EIF2S2: variants seen among roughly 807,000 people sequenced by gnomAD.
EIF2S2 encodes eukaryotic translation initiation factor 2 subunit beta.
In EIF2S2, 4 loss-of-function variants were observed where a neutral mutation model predicts 44.0. The ratio of observed to expected loss-of-function variants is 0.09; its 90% CI spans 0.04 to 0.21. The LOEUF is 0.21. EIF2S2 is among the 10% of genes least tolerant of loss of function. The pLI is 1.00. For missense variants in EIF2S2, 154 were observed against 392.0 expected (o/e 0.39, Z 5.13); for synonymous variants, 108 against 128.3 (o/e 0.84, Z 1.07).
At chr20:34,090,976 A>G in intron 7 of EIF2S2, among the ~76,000 whole-genome samples, 1 of 151,724 alleles carries the variant, frequency 6.6e-6, no homozygotes. Flanking sequence ...GTCTCAAACT[A>G]CTGGACTCAA....
intron 1 of EIF2S2, among the ~76,000 whole-genome samples, chr20:34,109,789 T>A (rs2034390729): frequency 6.7e-6 from 1 of 150,300 alleles, no homozygotes; most frequent in African/African-American, 2.4e-5. Flanking sequence ...TTATTTCAAT[T>A]ATACATCAAG....
chr20:34,105,384 C>G lies in EIF2S2; in HGVS notation c.177G>C (p.Glu59Asp). The change falls in exon 2 of 9, where the codon GAG becomes GAC. Residue 59 changes from glutamate (E) to aspartate (D), a missense_variant. Around this residue, in one of 2 missense-constraint regions of EIF2S2, gnomAD observed 134 missense variants for 225.0 expected, o/e 0.60. Coordinates refer to ENST00000374980, the MANE Select transcript of EIF2S2 (RefSeq NM_003908.5). ...ACCACGCACCTTTTTTCCTAGTGTCCTCTTCATCAGCTTCCAAATCCTTGT... is the reference window on the plus strand; with the variant it reads ...ACCACGCACCTTTTTTCCTAGTGTCGTCTTCATCAGCTTCCAAATCCTTGT... ...TEDKDLEADE[E>D]DTRKKDASDD... is the part of the protein sequence containing the mutation. The G allele has an allele frequency of 6.2e-7, 1 of 1,612,394 alleles. No homozygotes were observed. The highest frequency in any genetic ancestry group is 8.5e-7 in the Non-Finnish European group (1 of 1,179,424).
intron 7 of EIF2S2, among the ~76,000 whole-genome samples, chr20:34,091,698 G>A (rs974315117): frequency 1.6e-5 from 2 of 128,352 alleles, no homozygotes; most frequent in Admixed American, 8.8e-5. Flanking sequence ...CAGCCTGGGC[G>A]ACAGAGCACA....
In EIF2S2 at chr20:34,088,822, T is replaced by C. The variant is rs1255351753; in HGVS notation, c.*908A>G. 6.6e-6 allele frequency: 1 copy of C among 152,136 alleles called. No individual in the cohort carries two copies. Among genetic ancestry groups the C allele is most frequent in the Non-Finnish European group, 1.5e-5 (1 of 68,020 alleles). The allele number at this position is 152,136 out of a possible 1,614,324, so 9.4% of individuals were successfully genotyped here. On this transcript the variant is annotated 3_prime_UTR_variant, in exon 9 of 9. Coordinates refer to ENST00000374980, the MANE Select transcript of EIF2S2 (RefSeq NM_003908.5). ...GTCATATTCAAAAGCGACTTTTAAATCAGAAAATAGAAAAAGCATTTGTGG... is the reference window on the plus strand; with the variant it reads ...GTCATATTCAAAAGCGACTTTTAAACCAGAAAATAGAAAAAGCATTTGTGG...
chr20:34,110,064 C>T (rs1278532448), intron 1 of EIF2S2, among the ~76,000 whole-genome samples: 1 of 140,734 alleles, frequency 7.1e-6, no homozygotes, highest in Admixed American at 7.4e-5. Context: ...CGCCACTGCA[C>T]TCCAGTCCAG....
At chr20:34,100,394 G>A (rs569246306) in intron 3 of EIF2S2, among the ~76,000 whole-genome samples, 1 of 152,304 alleles carries the variant, frequency 6.6e-6, no homozygotes, top group South Asian at 2.1e-4. Flanking sequence ...GGGGACCACT[G>A]AAAGTTCCAA....
At chr20:34,109,911 T>A (rs1000394839) in intron 1 of EIF2S2, among the ~76,000 whole-genome samples, 5 of 150,516 alleles carry the variant, frequency 3.3e-5, no homozygotes, top group African/African-American at 1.2e-4. Context: ...AAGACCAACA[T>A]AGTGAGACCC....
At chr20:34,096,582 A>G (rs2034231495) in intron 6 of EIF2S2, 75 bp downstream of exon 6, 19 of 1,419,954 alleles carry the variant, frequency 1.3e-5, no homozygotes, top group Non-Finnish European at 1.8e-5. Flanking sequence ...AGTCGACAAT[A>G]AGGACATTTA....
intron 7 of EIF2S2, among the ~76,000 whole-genome samples, chr20:34,091,867 C>G (rs1460205570): frequency 2.0e-5 from 3 of 149,012 alleles, no homozygotes; most frequent in South Asian, 2.1e-4. Flanking sequence ...GAGTGGGACT[C>G]TCCTGGATTA....
In EIF2S2 at chr20:34,095,701, T is replaced by G. The variant is rs145752826; in HGVS notation, c.683+956A>C. 5.9e-5 allele frequency among the ~76,000 whole-genome samples: 9 copies of G among 152,344 alleles called. No individual in the cohort carries two copies. In the East Asian group the frequency reaches 1.7e-3, roughly 29 times the overall value. On this transcript the variant is annotated intron_variant, in intron 6 of 8. Transcript: ENST00000374980. ...TTCTAATTTTTCTACAATGAGTATA[T>G]ACTACTATTGTCATTAGCCAAAAAA...
At chr20:34,108,326 CT>C (rs2034371639) in intron 1 of EIF2S2, 1 of 152,114 alleles carries the variant, frequency 6.6e-6, no homozygotes, top group South Asian at 2.1e-4. Context: ...ATTAACATCT[CT>C]CTCAATTACT....
At position 34,112,219 on chromosome 20, in the gene EIF2S2, T is replaced by G. The variant is rs2034424105; in HGVS notation, c.-109A>C. ...TACCTCTCCCACCACCGCACTAGGC[T>G]CTTGCATCAGCGAAAGGAAACGACA... On this transcript the variant is annotated 5_prime_UTR_variant, in exon 1 of 9. Transcript: ENST00000374980. 2 of 1,227,738 alleles carry G rather than the reference T, an allele frequency of 1.6e-6. No individual in the cohort carries two copies. Among genetic ancestry groups the G allele is most frequent in the Non-Finnish European group, 2.2e-6 (2 of 922,638 alleles). The allele number at this position is 1,227,738 out of a possible 1,614,324, so 76.1% of individuals were successfully genotyped here. A position where few individuals can be genotyped will look rare whatever the true frequency, so the allele number is the denominator to read the frequency against.
In EIF2S2 at chr20:34,091,784, G is replaced by A. The variant is rs947375696; in HGVS notation, c.741-1182C>T. 5.9e-4 allele frequency among the ~76,000 whole-genome samples: 84 copies of A among 143,102 alleles called. 1 individual carries two copies. The highest frequency in any genetic ancestry group is 1.1e-3 in the Non-Finnish European group (70 of 64,916). The allele number at this position is 143,102 out of a possible 152,430, so 93.9% of individuals were successfully genotyped here. On this transcript the variant is annotated intron_variant, in intron 7 of 8. Coordinates refer to ENST00000374980, the MANE Select transcript of EIF2S2 (RefSeq NM_003908.5). The stretch of plus-strand genomic sequence containing the variant: ...ATATATATTTATTTTTTTGGGGGGG[G>A]GGGGTCCAAGGGTGGAGGTTTAATA...
chr20:34,101,102 G>A (rs886255690), intron 3 of EIF2S2, among the ~76,000 whole-genome samples: 16 of 152,120 alleles, frequency 1.1e-4, no homozygotes, highest in African/African-American at 2.9e-4. Context: ...GCTCAGATTC[G>A]GGATCCCAAA....
At chr20:34,110,109 A>G (rs974647957) in intron 1 of EIF2S2, among the ~76,000 whole-genome samples, 1 of 152,050 alleles carries the variant, frequency 6.6e-6, no homozygotes, top group Non-Finnish European at 1.5e-5. Flanking sequence ...AAAAAAAAAA[A>G]AAAAAACAGA....
At chr20:34,111,495 G>C (rs1224685760) in intron 1 of EIF2S2, among the ~76,000 whole-genome samples, 2 of 152,226 alleles carry the variant, frequency 1.3e-5, no homozygotes, top group Non-Finnish European at 2.9e-5. Context: ...GTTAAGGGAA[G>C]CTCAGGGGCT....
chr20:34,099,365 A>G (rs1306309288), intron 3 of EIF2S2, among the ~76,000 whole-genome samples: 1 of 152,286 alleles, frequency 6.6e-6, no homozygotes, highest in Non-Finnish European at 1.5e-5. Context: ...CTCAAAGAAA[A>G]AAAAAAAAAA....
chr20:34,100,274 C>T (rs926135398), intron 3 of EIF2S2, among the ~76,000 whole-genome samples: 3 of 152,188 alleles, frequency 2.0e-5, no homozygotes, highest in Non-Finnish European at 4.4e-5. Context: ...CCGGGCCTCC[C>T]AAAGTGCTGG....
chr20:34,104,642 T>A (rs1454617834), intron 2 of EIF2S2, among the ~76,000 whole-genome samples: 1 of 152,194 alleles, frequency 6.6e-6, no homozygotes, highest in Non-Finnish European at 1.5e-5. Flanking sequence ...CATTAATGAG[T>A]AATAATAGGT....
Sources: gnomAD v4.1 joint callset for allele counts (sites outside exome capture counted in the v4.1 genomes callset) on GRCh38, gnomAD v4.1.1 for gene constraint, gnomAD v4.1.1 regional missense constraint, MANE v1.5 for transcripts, NCBI Gene and HGNC (gene_info 2026-07-23, HGNC 2026-07-21) for gene names.